The following ZNF516 variants were observed in gnomAD, a reference collection of about 807,000 sequenced individuals.
ZNF516 encodes zinc finger protein 516.
A neutral mutation model predicts 79.7 loss-of-function variants in ZNF516; 19 were observed. The observed-to-expected ratio is 0.24, with a 90% CI of 0.17 to 0.35. ZNF516 has a LOEUF of 0.35. Ranked by LOEUF, ZNF516 falls within the 10% of genes least tolerant of loss-of-function variation. The pLI, the probability that ZNF516 is intolerant of heterozygous loss-of-function variation, is 1.00. For missense variants in ZNF516, 1,678 were observed against 1,679.5 expected, an observed-to-expected ratio of 1.00 and a Z score of 0.02; for synonymous variants, 877 against 739.5, an observed-to-expected ratio of 1.19 and a Z score of -3.02.
chr18:76,421,864 C>T (rs1237667846), intron 3 of ZNF516, among the ~76,000 whole-genome samples: 1 of 152,236 alleles, frequency 6.6e-6, no homozygotes, highest in Non-Finnish European at 1.5e-5. Context: ...CTGAATCACA[C>T]AGCGGGCCGG....
At chr18:76,404,815 GCAC>G (rs1214402072) in intron 3 of ZNF516, among the ~76,000 whole-genome samples, 1 of 149,214 alleles carries the variant, frequency 6.7e-6, no homozygotes, top group Non-Finnish European at 1.5e-5. Context: ...TAGCATGTGT[GCAC>G]GAGTTTGCAT....
At chr18:76,437,530 A>C (rs1407225428) in intron 3 of ZNF516, among the ~76,000 whole-genome samples, 1 of 149,536 alleles carries the variant, frequency 6.7e-6, no homozygotes, top group Non-Finnish European at 1.5e-5. Context: ...TTTTTATTCT[A>C]TTGAGTCATA....
chr18:76,452,313 A>G (rs767340520), intron 2 of ZNF516, among the ~76,000 whole-genome samples: 2 of 152,208 alleles, frequency 1.3e-5, no homozygotes, highest in Non-Finnish European at 2.9e-5. Flanking sequence ...AGGTAGAGTG[A>G]AGGAGAATGA....
rs4375747 is a variant in ZNF516, at chr18:76,359,827, C to G, written c.*2671G>C. ...AGTGTATCATGCAGAAATTACCATT[C>G]GGAAAAAAAAAGGCAATCAAAACGG... is the stretch of plus-strand genomic sequence containing the variant. On this transcript the variant is annotated 3_prime_UTR_variant, in exon 7 of 7. Coordinates refer to ENST00000443185, the MANE Select transcript of ZNF516 (RefSeq NM_014643.4). 6.8e-6 allele frequency: 1 copy of G among 146,126 alleles called. No individual in the cohort carries two copies. The highest frequency in any genetic ancestry group is 2.1e-4 in the South Asian group (1 of 4,810). 9.1% of individuals were successfully genotyped at this position (146,126 alleles called of 1,614,324 possible).
At chr18:76,364,468 A>C (rs188343224) in intron 6 of ZNF516, among the ~76,000 whole-genome samples, 1 of 152,154 alleles carries the variant, frequency 6.6e-6, no homozygotes, top group East Asian at 1.9e-4. Flanking sequence ...AAACATGAGA[A>C]GCTTTCGGAA....
At position 76,379,210 on chromosome 18, in the gene ZNF516, G is replaced by A. The variant is rs1386795197; in HGVS notation, c.2904C>T (p.His968=). The A allele has an allele frequency of 6.2e-7, 1 of 1,612,740 alleles. No individual in the cohort carries two copies. Among genetic ancestry groups the A allele is most frequent in the Non-Finnish European group, 8.5e-7 (1 of 1,179,754 alleles). ...AGAGFAPTNK[H]SAPDSLKAKF... ...TGGCTTTCAGGGAGTCCGGGGCACT[G>A]TGCTTATTTGTGGGGGCAAAGCCAG... is the stretch of plus-strand genomic sequence containing the variant. Residue 968 remains histidine, a synonymous_variant, in exon 4 of 7, where the codon CAC becomes CAT. Transcript: ENST00000443185.
chr18:76,465,760 C>T (rs1012632284), intron 1 of ZNF516, among the ~76,000 whole-genome samples: 9 of 152,194 alleles, frequency 5.9e-5, no homozygotes, highest in Non-Finnish European at 1.0e-4. Context: ...TGCACCAGGA[C>T]GTCACCAGGA....
intron 1 of ZNF516, 85 bp downstream of exon 1, chr18:76,495,059 G>C (rs890892425): frequency 9.7e-5 from 14 of 144,446 alleles, no homozygotes. Flanking sequence ...ACCAGAGTAC[G>C]GGGCACGTCG....
intron 1 of ZNF516, among the ~76,000 whole-genome samples, chr18:76,482,341 T>G (rs1056037067): frequency 3.3e-5 from 5 of 152,244 alleles, no homozygotes; most frequent in Admixed American, 6.5e-5. Context: ...TATTTTACTG[T>G]AGATGGTCCC....
intron 1 of ZNF516, among the ~76,000 whole-genome samples, chr18:76,480,523 A>C (rs1914456577): frequency 3.7e-5 from 3 of 81,442 alleles, no homozygotes; most frequent in African/African-American, 1.4e-4. Context: ...ACACACACAC[A>C]CATATATTTT....
In ZNF516 at chr18:76,493,954, AC is replaced by A. The variant is rs1915370756; in HGVS notation, c.-272+1189del. The A allele has an allele frequency of 1.3e-5, 2 of 152,150 alleles. No homozygotes were observed. The highest frequency in any genetic ancestry group is 4.1e-4 in the South Asian group (2 of 4,828). The allele number at this position is 152,150 out of a possible 1,614,324, so 9.4% of individuals were successfully genotyped here. The stretch of plus-strand genomic sequence containing the variant: ...CAAGTTGATCTTTGCACACCCGGAG[AC>A]CCGGTGACTCTTTATCAGCGGAATG... On this transcript the variant is annotated intron_variant, in intron 1 of 6. Transcript: ENST00000443185. This position sits in a 1 kb window ranked among gnomAD's most constrained non-coding sequence, Gnocchi z 5.2.
intron 3 of ZNF516, among the ~76,000 whole-genome samples, chr18:76,382,968 G>A (rs574065543): frequency 6.6e-6 from 1 of 151,506 alleles, no homozygotes; most frequent in Admixed American, 6.6e-5. Flanking sequence ...CCCTGGAGGG[G>A]GAGGCTGCAG....
chr18:76,407,868 C>T (rs1013999317), intron 3 of ZNF516, among the ~76,000 whole-genome samples: 2 of 152,200 alleles, frequency 1.3e-5, no homozygotes, highest in East Asian at 1.9e-4. Context: ...AGTTCAAACA[C>T]GCAGCCCTCT....
At chr18:76,392,563 G>C (rs2075090940) in intron 3 of ZNF516, among the ~76,000 whole-genome samples, 1 of 150,290 alleles carries the variant, frequency 6.7e-6, no homozygotes, top group Admixed American at 6.6e-5. Flanking sequence ...GGCCACGTGG[G>C]GGAAAGGTGG....
At chr18:76,464,505 G>A (rs556281459) in intron 1 of ZNF516, among the ~76,000 whole-genome samples, 2 of 152,386 alleles carry the variant, frequency 1.3e-5, no homozygotes, top group South Asian at 4.1e-4. Flanking sequence ...AGAGCCCCCA[G>A]ACCTATGTGG....
At chr18:76,422,845 G>C (rs1370518237) in intron 3 of ZNF516, among the ~76,000 whole-genome samples, 1 of 152,190 alleles carries the variant, frequency 6.6e-6, no homozygotes, top group Non-Finnish European at 1.5e-5. Flanking sequence ...AACTGGAATA[G>C]ATAAGAAAAA....
chr18:76,479,513 G>A (rs1255676062), intron 1 of ZNF516, among the ~76,000 whole-genome samples: 2 of 152,200 alleles, frequency 1.3e-5, no homozygotes, highest in Admixed American at 6.5e-5. Flanking sequence ...CCCTGGGGCA[G>A]GCTGGCTTCC....
At chr18:76,433,087 T>C (rs2075683472) in intron 3 of ZNF516, among the ~76,000 whole-genome samples, 1 of 152,226 alleles carries the variant, frequency 6.6e-6, no homozygotes, top group Admixed American at 6.5e-5. Flanking sequence ...GAAGACTCTG[T>C]AGGCTTCTGA....
intron 6 of ZNF516, among the ~76,000 whole-genome samples, chr18:76,370,177 G>A (rs1312978494): frequency 6.6e-6 from 1 of 152,186 alleles, no homozygotes; most frequent in African/African-American, 2.4e-5. Context: ...TCTTCAAGGA[G>A]GTTAACCACA....
Sources: allele counts gnomAD v4.1 joint callset (sites outside exome capture counted in the v4.1 genomes callset), GRCh38; gene constraint gnomAD v4.1.1; non-coding constraint Gnocchi (gnomAD v3.1); transcripts MANE v1.5; gene names NCBI Gene and HGNC (gene_info 2026-07-23, HGNC 2026-07-21).